Variants in MASTL observed in about 807,000 individuals in gnomAD.
MASTL encodes serine/threonine-protein kinase greatwall.
A neutral mutation model predicts 82.5 loss-of-function variants in MASTL; 54 were observed. The ratio of observed to expected loss-of-function variants is 0.65; its 90% confidence interval spans 0.53 to 0.82. The LOEUF (loss-of-function observed/expected upper bound fraction) is 0.82. Ranked by LOEUF, MASTL falls within the 40% of genes least tolerant of loss-of-function variation. MASTL has a pLI of 0.00. For synonymous variants in MASTL, 323 were observed against 368.9 expected (o/e 0.88, Z 1.43); for missense variants, 950 against 1,047.8 (o/e 0.91, Z 1.29).
intron 7 of MASTL, among the ~76,000 whole-genome samples, chr10:27,169,725 T>A (rs1272193823): frequency 1.3e-5 from 2 of 152,236 alleles, no homozygotes; most frequent in Non-Finnish European, 2.9e-5. Context: ...TAGAATAATT[T>A]ATTTAAAGTT....
At chr10:27,156,714 T>C (rs751304034) in intron 1 of MASTL, among the ~76,000 whole-genome samples, 3 of 151,524 alleles carry the variant, frequency 2.0e-5, no homozygotes, top group Non-Finnish European at 2.9e-5. Flanking sequence ...CCAGGTTGTT[T>C]TGGTTATGTT....
rs1368915743 is a variant in MASTL, at chr10:27,186,663, TGTAC to T, written c.*130_*133del. ...TTAACCTAGTTCAATGTGCTTTTAATGTACGTTACAGCTTTCACAGAGTTAAAAG... is the reference window on the plus strand; with the variant it reads ...TTAACCTAGTTCAATGTGCTTTTAATGTTACAGCTTTCACAGAGTTAAAAG... On this transcript the variant is annotated 3_prime_UTR_variant, in exon 12 of 12. Coordinates refer to ENST00000375940, the MANE Select transcript of MASTL (RefSeq NM_001172303.3). The T allele has an allele frequency of 1.1e-6, 1 of 889,466 alleles. No homozygotes were observed. Among genetic ancestry groups the T allele is most frequent in the Non-Finnish European group, 1.9e-6 (1 of 535,162 alleles). 55.1% of individuals were successfully genotyped at this position (889,466 alleles called of 1,614,324 possible).
intron 11 of MASTL, among the ~76,000 whole-genome samples, chr10:27,182,246 CA>C (rs139820757): frequency 5.1e-4 from 69 of 135,320 alleles, no homozygotes; most frequent in East Asian, 4.0e-3. Flanking sequence ...GACTCTGTCT[CA>C]AAAAAAAAAA....
At chr10:27,155,740 A>G in intron 1 of MASTL, 128 bp downstream of exon 1, 1 of 1,032,256 alleles carries the variant, frequency 9.7e-7, no homozygotes, top group Non-Finnish European at 1.5e-6. Context: ...TGAAGCCTCC[A>G]GAGCCCTGCG....
intron 9 of MASTL, among the ~76,000 whole-genome samples, chr10:27,174,011 G>A (rs950947573): frequency 6.6e-5 from 10 of 152,118 alleles, no homozygotes; most frequent in Non-Finnish European, 1.0e-4. Flanking sequence ...ATCCTTACCA[G>A]AAGAGTCAAG....
intron 9 of MASTL, 135 bp downstream of exon 9, chr10:27,173,394 G>A: frequency 1.1e-6 from 1 of 942,420 alleles, no homozygotes; most frequent in East Asian, 2.5e-5. Flanking sequence ...GTATATATAT[G>A]GCATTTGTCA....
chr10:27,155,407 C>A lies in MASTL; in HGVS notation c.-20C>A, dbSNP rs1343786325. The A allele has an allele frequency of 1.9e-6, 3 of 1,587,404 alleles. No individual in the cohort carries two copies. The highest frequency in any genetic ancestry group is 2.2e-4 in the Middle Eastern group (1 of 4,462). On this transcript the variant is annotated 5_prime_UTR_variant, in exon 1 of 12. Transcript: ENST00000375940. Reference sequence around the variant, plus strand: ...TCGCGGAGGGGCAGTGTCTGCGGGGCCGCTGTATGCTGTCCAGCGATGGAT... The same window carrying A: ...TCGCGGAGGGGCAGTGTCTGCGGGGACGCTGTATGCTGTCCAGCGATGGAT...
chr10:27,169,916 C>G, intron 7 of MASTL, 28 bp from the exon 8 acceptor site: 1 of 1,611,572 alleles, frequency 6.2e-7, no homozygotes, highest in Non-Finnish European at 8.5e-7. Context: ...CTTTATATAA[C>G]TAAAACAAAT....
At chr10:27,155,992 C>T (rs1017805530) in intron 1 of MASTL, among the ~76,000 whole-genome samples, 3 of 152,016 alleles carry the variant, frequency 2.0e-5, no homozygotes, top group Non-Finnish European at 2.9e-5. Context: ...CTCACCCTGG[C>T]TTGAGTTAGG....
At chr10:27,178,915 T>C (rs1309078879) in intron 9 of MASTL, among the ~76,000 whole-genome samples, 1 of 152,126 alleles carries the variant, frequency 6.6e-6, no homozygotes, top group Non-Finnish European at 1.5e-5. Flanking sequence ...ATATTTGCAT[T>C]TTGTATTCCT....
chr10:27,171,698 G>A (rs1350835328), intron 8 of MASTL, among the ~76,000 whole-genome samples: 4 of 151,734 alleles, frequency 2.6e-5, no homozygotes, highest in African/African-American at 9.7e-5. Flanking sequence ...CTCTCAAAGT[G>A]CTAGGATTAC....
intron 6 of MASTL, 60 bp downstream of exon 6, chr10:27,165,599 T>A: frequency 1.9e-6 from 3 of 1,550,470 alleles, no homozygotes; most frequent in Admixed American, 1.7e-5. Flanking sequence ...TACTACCACA[T>A]TGGGAGGCTG....
At chr10:27,155,326 G>A (rs2057315299), upstream of MASTL, 1 of 1,261,166 alleles carries the variant, frequency 7.9e-7, no homozygotes, top group Non-Finnish European at 1.1e-6. Context: ...TGACGTCACG[G>A]CCGCGCGCGG....
chr10:27,162,869 T>C (rs2057617036), intron 4 of MASTL, among the ~76,000 whole-genome samples: 1 of 152,152 alleles, frequency 6.6e-6, no homozygotes, highest in South Asian at 2.1e-4. Flanking sequence ...TTTTACTAAG[T>C]TTGGTAAAAT....
At chr10:27,163,883 G>T (rs1163793898) in intron 4 of MASTL, among the ~76,000 whole-genome samples, 3 of 152,042 alleles carry the variant, frequency 2.0e-5, no homozygotes, top group Non-Finnish European at 4.4e-5. Flanking sequence ...ACCCGCCCTG[G>T]ACTCCCAAAG....
At chr10:27,180,092 G>T (rs971125234) in intron 9 of MASTL, among the ~76,000 whole-genome samples, 3 of 152,160 alleles carry the variant, frequency 2.0e-5, no homozygotes, top group Non-Finnish European at 4.4e-5. Flanking sequence ...TTGCACTTTT[G>T]ATTATACCAA....
chr10:27,181,586 G>A lies in MASTL; in HGVS notation c.2482+5G>A, dbSNP rs781608883. 3.8e-6 allele frequency: 6 copies of A among 1,585,132 alleles called. No homozygotes were observed. The South Asian group carries it at 6.6e-5, about 18-fold the overall frequency. On this transcript the variant is annotated splice_donor_5th_base_variant and intron_variant, in intron 11 of 11. Coordinates refer to ENST00000375940, the MANE Select transcript of MASTL (RefSeq NM_001172303.3). Reference sequence around the variant, plus strand: ...CAAAGAGAGCTGGAATGAAAGGTATGGTTTTGTGTTAATACATTGTTTTAC... The same window carrying A: ...CAAAGAGAGCTGGAATGAAAGGTATAGTTTTGTGTTAATACATTGTTTTAC...
At chr10:27,183,278 G>A (rs2058432788) in intron 11 of MASTL, among the ~76,000 whole-genome samples, 1 of 151,214 alleles carries the variant, frequency 6.6e-6, no homozygotes, top group African/African-American at 2.4e-5. Context: ...TTTTGTTGTT[G>A]TTGTTGTTGT....
chr10:27,167,290 A>G lies in MASTL; in HGVS notation c.984+16A>G, dbSNP rs779339527. 2.5e-6 allele frequency: 4 copies of G among 1,603,752 alleles called. No individual in the cohort carries two copies. The highest frequency in any genetic ancestry group is 2.7e-5 in the African/African-American group (2 of 74,704). ...AGATTGCCAGGTTTGAGGGACATTT[A>G]TCTTAATGAAAATCAATTATGTATG... On this transcript the variant is annotated intron_variant, in intron 7 of 11. Coordinates refer to ENST00000375940, the MANE Select transcript of MASTL (RefSeq NM_001172303.3).
Sources: gnomAD v4.1 joint callset for allele counts (sites outside exome capture counted in the v4.1 genomes callset) on GRCh38, gnomAD v4.1.1 for gene constraint, MANE v1.5 for transcripts, NCBI Gene and HGNC (gene_info 2026-07-23, HGNC 2026-07-21) for gene names.